Variants in RUFY2 observed in about 807,000 individuals in gnomAD.
RUFY2 encodes the protein RUN and FYVE domain-containing protein 2.
RUFY2 carries 49 observed loss-of-function variants against 94.4 expected under a neutral mutation model. The ratio of observed to expected loss-of-function variants is 0.52; its 90% CI spans 0.41 to 0.66. RUFY2 has a LOEUF of 0.66. Ranked by LOEUF, RUFY2 falls within the 30% of genes least tolerant of loss-of-function variation. The pLI is 0.00. For missense variants in RUFY2, 541 were observed against 692.8 expected (o/e 0.78, Z 2.46); for synonymous variants, 255 against 235.7 (o/e 1.08, Z -0.75).
chr10:68,356,919 G>A (rs1219447920), intron 15 of RUFY2, among the ~76,000 whole-genome samples: 1 of 151,820 alleles, frequency 6.6e-6, no homozygotes, highest in East Asian at 2.0e-4. Flanking sequence ...CAGCACTTTG[G>A]GAGACAGAGG....
rs1158778754 is a variant in RUFY2 at position 68,345,719 on chromosome 10, T to C, written c.*49A>G. Reference sequence around the variant, plus strand: ...CTGGTTACCTTTGTATACAACATCATAACATTCATTGTAGGTAATTTCATA... The same window carrying C: ...CTGGTTACCTTTGTATACAACATCACAACATTCATTGTAGGTAATTTCATA... On this transcript the variant is annotated 3_prime_UTR_variant, in exon 18 of 18. Transcript: ENST00000602465. 60 of 1,555,490 alleles carry C rather than the reference T, an allele frequency of 3.9e-5. No individual in the cohort carries two copies. Among genetic ancestry groups the C allele is most frequent in the Non-Finnish European group, 5.1e-5 (58 of 1,135,866 alleles).
chr10:68,383,856 A>G lies in RUFY2; in HGVS notation c.881T>C (p.Leu294Pro). The G allele has an allele frequency of 6.2e-7, 1 of 1,613,992 alleles. No individual in the cohort carries two copies. The change falls in exon 10 of 18, where the codon CTA becomes CCA. Residue 294 changes from leucine (L) to proline (P), a missense_variant. Coordinates refer to ENST00000602465, the MANE Select transcript of RUFY2 (RefSeq NM_001330103.2). ...LQTYKHSRQG[L>P]DEMYNEARRQ... ...TCTGGCTTCATTGTACATTTCATCTAGCCCCTGACGAGAATGCTTATATGT... is the reference window on the plus strand; with the variant it reads ...TCTGGCTTCATTGTACATTTCATCTGGCCCCTGACGAGAATGCTTATATGT...
intron 13 of RUFY2, among the ~76,000 whole-genome samples, chr10:68,366,910 C>T (rs930928839): frequency 6.9e-6 from 1 of 144,472 alleles, no homozygotes; most frequent in African/African-American, 2.5e-5. Context: ...TGGTTCATGC[C>T]TGTAATCCCA....
In RUFY2 at chr10:68,344,000, T is replaced by G. The variant is rs2046132763; in HGVS notation, c.*1768A>C. ...TAATAAAAAAGCATATTTGAAAATT[T>G]CATTTTTTGTTTATTCAGTAATCAT... On this transcript the variant is annotated 3_prime_UTR_variant, in exon 18 of 18. Transcript: ENST00000602465. 1 of 152,144 alleles carries G rather than the reference T, an allele frequency of 6.6e-6. No individual in the cohort carries two copies. 9.4% of individuals were successfully genotyped at this position (152,144 alleles called of 1,614,324 possible).
intron 1 of RUFY2, among the ~76,000 whole-genome samples, chr10:68,406,481 T>C (rs1246922253): frequency 6.6e-6 from 1 of 152,190 alleles, no homozygotes; most frequent in African/African-American, 2.4e-5. Context: ...AAAGGGTGTT[T>C]TGCAGCTGCT....
intron 15 of RUFY2, among the ~76,000 whole-genome samples, chr10:68,362,930 G>A (rs571590255): frequency 5.9e-5 from 9 of 152,244 alleles, no homozygotes; most frequent in East Asian, 1.9e-4. Context: ...TCCACTTCTC[G>A]TGATGCTGGC....
At chr10:68,399,180 A>T (rs1041878487) in intron 3 of RUFY2, among the ~76,000 whole-genome samples, 2 of 152,076 alleles carry the variant, frequency 1.3e-5, no homozygotes, top group Non-Finnish European at 2.9e-5. Context: ...AGTAGCTGGG[A>T]CTATAGGCGT....
chr10:68,364,028 A>G lies in RUFY2; in HGVS notation c.1411T>C (p.Ser471Pro), dbSNP rs2047639217. 1 of 1,609,728 alleles carries G rather than the reference A, an allele frequency of 6.2e-7. No individual in the cohort carries two copies. The highest frequency in any genetic ancestry group is 8.5e-7 in the Non-Finnish European group (1 of 1,176,246). Residue 471 changes from serine to proline, a missense_variant, in exon 14 of 18, where the codon TCT becomes CCT. By Grantham distance (74) the Ser-to-Pro change is moderately conservative. This residue lies in a region of RUFY2 where 403 missense variants were observed against 480.7 expected (regional missense o/e 0.84). Coordinates refer to ENST00000602465, the MANE Select transcript of RUFY2 (RefSeq NM_001330103.2). The part of the protein sequence containing the change: ...EDLQKEKDAL[S>P]HLRNETQQII... ...TGTTGAGTCTCATTTCTAAGATGAG[A>G]TAAGGCATCTTTCTCCTTTTGAAGA...
At chr10:68,399,688 C>A (rs2050665691) in intron 3 of RUFY2, among the ~76,000 whole-genome samples, 1 of 152,176 alleles carries the variant, frequency 6.6e-6, no homozygotes, top group African/African-American at 2.4e-5. Context: ...AAACGATTAA[C>A]CTTACAGAAA....
intron 13 of RUFY2, among the ~76,000 whole-genome samples, chr10:68,366,251 A>G (rs2047801683): frequency 7.0e-6 from 1 of 143,324 alleles, no homozygotes; most frequent in Non-Finnish European, 1.5e-5. Flanking sequence ...AATTGCTTGG[A>G]CCCGGGAGGC....
Position 68,386,195 on chromosome 10 carries a change from T to C in RUFY2, c.651-67A>G. On this transcript the variant is annotated intron_variant, in intron 7 of 17. Coordinates refer to ENST00000602465, the MANE Select transcript of RUFY2 (RefSeq NM_001330103.2). ...ACTCAAAAAGGCACGAAAAAATATGTTATCCTAGATTTACTATGTTTACTG... is the reference window on the plus strand; with the variant it reads ...ACTCAAAAAGGCACGAAAAAATATGCTATCCTAGATTTACTATGTTTACTG... 3 of 1,289,054 alleles carry C rather than the reference T, an allele frequency of 2.3e-6. No homozygotes were observed. The Admixed American group carries it at 5.7e-5, about 25-fold the overall frequency. The allele number at this position is 1,289,054 out of a possible 1,614,324, so 79.9% of individuals were successfully genotyped here.
chr10:68,381,145 A>C, intron 11 of RUFY2, 87 bp downstream of exon 11: 2 of 956,000 alleles, frequency 2.1e-6, no homozygotes, highest in Admixed American at 2.7e-5. Context: ...AGTTAAAATA[A>C]AATGGGCTCA....
downstream of RUFY2, chr10:68,342,263 AT>A (rs1485438609): frequency 1.0e-5 from 5 of 489,688 alleles, no homozygotes; most frequent in Non-Finnish European, 1.8e-5. Flanking sequence ...ATAAATTTTT[AT>A]ATTCAAACCA....
intron 13 of RUFY2, among the ~76,000 whole-genome samples, chr10:68,375,648 T>C (rs7079411): frequency 0.26 from 39,667 of 150,856 alleles, 7,011 homozygotes; most frequent in African/African-American, 0.5. Flanking sequence ...TGGTGGCGAG[T>C]GCCTGTAGTC....
At chr10:68,369,520 C>T (rs527807362) in intron 13 of RUFY2, among the ~76,000 whole-genome samples, 3 of 151,206 alleles carry the variant, frequency 2.0e-5, no homozygotes, top group Non-Finnish European at 4.4e-5. Context: ...AAAAAAAAAC[C>T]AGGCGAGGCC....
intron 16 of RUFY2, among the ~76,000 whole-genome samples, chr10:68,350,332 C>A (rs993060309): frequency 1.3e-5 from 2 of 152,128 alleles, no homozygotes; most frequent in Non-Finnish European, 2.9e-5. Context: ...TTAGATTTAA[C>A]TTCCAGTTCA....
At chr10:68,366,940 C>T (rs901638373) in intron 13 of RUFY2, among the ~76,000 whole-genome samples, 2 of 146,894 alleles carry the variant, frequency 1.4e-5, no homozygotes, top group Non-Finnish European at 3.0e-5. Flanking sequence ...GAGGCCGAGG[C>T]GTGCAGATCA....
intron 17 of RUFY2, 21 bp downstream of exon 17, chr10:68,345,986 C>A (rs745325886): frequency 4.9e-5 from 79 of 1,612,122 alleles, no homozygotes; most frequent in Non-Finnish European, 6.2e-5. Context: ...AATTTTTGGA[C>A]TCACTTCTTA....
Position 68,396,889 on chromosome 10 carries a change from G to A in RUFY2, c.297-8C>T, listed in dbSNP as rs1372790461. On this transcript the variant is annotated splice_region_variant and splice_polypyrimidine_tract_variant and intron_variant, in intron 3 of 17. Transcript: ENST00000602465. ...GCTCGACCCAGAGGGGTCCTAAAGA[G>A]AAGAACCAATTGATCAGAAAACAGC... The A allele has an allele frequency of 6.2e-7, 1 of 1,602,526 alleles. No individual in the cohort carries two copies. The highest frequency in any genetic ancestry group is 1.7e-5 in the Admixed American group (1 of 59,388).
Sources: allele counts gnomAD v4.1 joint callset (sites outside exome capture counted in the v4.1 genomes callset), GRCh38; gene constraint gnomAD v4.1.1; regional missense constraint gnomAD v4.1.1; transcripts MANE v1.5; gene names NCBI Gene and HGNC (gene_info 2026-07-23, HGNC 2026-07-21).